The following SAMD4A variants were observed in gnomAD, a reference collection of about 807,000 sequenced individuals.
SAMD4A encodes protein Smaug homolog 1.
A neutral mutation model predicts 81.3 loss-of-function variants in SAMD4A; 33 were observed. The ratio of observed to expected loss-of-function variants is 0.41; its 90% confidence interval spans 0.31 to 0.54. SAMD4A has a LOEUF of 0.54. SAMD4A is among the 20% of genes least tolerant of loss of function. The probability of loss-of-function intolerance (pLI) is 0.37; values close to 1 mark genes in which losing one functional copy is unlikely to be tolerated. For synonymous variants in SAMD4A, 389 were observed against 382.1 expected (o/e 1.02, Z -0.21); for missense variants, 854 against 951.1 (o/e 0.90, Z 1.34).
chr14:54,619,202 A>G (rs922208392), intron 2 of SAMD4A, among the ~76,000 whole-genome samples: 2 of 152,220 alleles, frequency 1.3e-5, no homozygotes, highest in African/African-American at 4.8e-5. Context: ...CAAAATGTTA[A>G]TTCATCAAAA....
chr14:54,567,014 C>G (rs1238713684), upstream of SAMD4A: 2 of 153,084 alleles, frequency 1.3e-5, no homozygotes, highest in Non-Finnish European at 2.9e-5. Flanking sequence ...TGCAGCCGCT[C>G]GGCTGCTTCT....
At chr14:54,780,262 A>T (rs2038966677) in intron 11 of SAMD4A, among the ~76,000 whole-genome samples, 1 of 152,202 alleles carries the variant, frequency 6.6e-6, no homozygotes, top group Non-Finnish European at 1.5e-5. Context: ...AGCTGGGTCC[A>T]GTGGCACCTC....
At chr14:54,743,992 A>C (rs560879184) in intron 4 of SAMD4A, among the ~76,000 whole-genome samples, 1 of 152,308 alleles carries the variant, frequency 6.6e-6, no homozygotes, top group African/African-American at 2.4e-5. Flanking sequence ...CTTACCCCTC[A>C]GTTGGCTTTC....
intron 7 of SAMD4A, among the ~76,000 whole-genome samples, chr14:54,762,034 C>T (rs2038412339): frequency 6.6e-6 from 1 of 152,186 alleles, no homozygotes; most frequent in Non-Finnish European, 1.5e-5. Context: ...AGGGATGACA[C>T]CAGTATCTAA....
At chr14:54,648,157 T>C (rs556558859) in intron 2 of SAMD4A, among the ~76,000 whole-genome samples, 1 of 152,314 alleles carries the variant, frequency 6.6e-6, no homozygotes, top group South Asian at 2.1e-4. Context: ...TACATGGATA[T>C]AGACAGAAAC....
At chr14:54,695,970 A>G (rs1038487705) in intron 2 of SAMD4A, among the ~76,000 whole-genome samples, 37 of 137,446 alleles carry the variant, frequency 2.7e-4, no homozygotes, top group East Asian at 1.1e-3. Flanking sequence ...AAAAAAAAAA[A>G]AAAGAAAAAG....
At position 54,596,779 on chromosome 14, in the gene SAMD4A, C is replaced by T. The variant is rs1232646269; in HGVS notation, c.196+28667C>T. Reference sequence around the variant, plus strand: ...GACCCAAATGAACCCCAGGGAACCACGAGATGTAGTCTGAAGGGGCAGCCT... The same window carrying T: ...GACCCAAATGAACCCCAGGGAACCATGAGATGTAGTCTGAAGGGGCAGCCT... On this transcript the variant is annotated intron_variant, in intron 2 of 12. Transcript: ENST00000554335. Among the ~76,000 whole-genome samples, 4 of 152,030 alleles carry T rather than the reference C, an allele frequency of 2.6e-5. No homozygotes were observed. In the South Asian group the frequency reaches 6.2e-4, roughly 24 times the overall value.
intron 2 of SAMD4A, among the ~76,000 whole-genome samples, chr14:54,569,776 T>C (rs1334639365): frequency 6.6e-6 from 1 of 152,248 alleles, no homozygotes; most frequent in Non-Finnish European, 1.5e-5. Context: ...GGTTGAATGC[T>C]TGATTTCAGT....
chr14:54,788,661 C>G (rs2039201524), intron 12 of SAMD4A, among the ~76,000 whole-genome samples: 1 of 152,218 alleles, frequency 6.6e-6, no homozygotes, highest in African/African-American at 2.4e-5. Context: ...TGTGTCTACC[C>G]TCAAATATAA....
At chr14:54,786,935 C>A (rs754528016) in intron 12 of SAMD4A, among the ~76,000 whole-genome samples, 1 of 152,162 alleles carries the variant, frequency 6.6e-6, no homozygotes, top group Non-Finnish European at 1.5e-5. Context: ...TGGTGGGAAG[C>A]CTCGTAAGCA....
At chr14:54,608,958 G>A (rs1052429580) in intron 2 of SAMD4A, among the ~76,000 whole-genome samples, 2 of 152,164 alleles carry the variant, frequency 1.3e-5, no homozygotes, top group Non-Finnish European at 2.9e-5. Flanking sequence ...AGTAAAAGGC[G>A]CTTTTCACAT....
At chr14:54,691,775 G>A (rs17127773) in intron 2 of SAMD4A, among the ~76,000 whole-genome samples, 3,366 of 152,274 alleles carry the variant, frequency 0.022, 122 homozygotes, top group African/African-American at 0.077. Context: ...CAGGAGGACA[G>A]GAGAGCCAGG....
At chr14:54,773,692 G>A (rs2038763799) in intron 9 of SAMD4A, among the ~76,000 whole-genome samples, 1 of 152,200 alleles carries the variant, frequency 6.6e-6, no homozygotes, top group Non-Finnish European at 1.5e-5. Flanking sequence ...TTGCAGGGAG[G>A]GCCTGTGAAG....
chr14:54,647,086 G>C (rs1423471487), intron 2 of SAMD4A, among the ~76,000 whole-genome samples: 3 of 152,174 alleles, frequency 2.0e-5, no homozygotes, highest in African/African-American at 7.2e-5. Context: ...GCATTCATTT[G>C]ACTCTATAAG....
chr14:54,724,048 G>GAAAGGAAGGAAT (rs2037350605), intron 3 of SAMD4A, among the ~76,000 whole-genome samples: 1 of 150,958 alleles, frequency 6.6e-6, no homozygotes, highest in Admixed American at 6.6e-5. Flanking sequence ...AAGGAAGGAA[G>GAAAGGAAGGAAT]GAATAATGCA....
At chr14:54,588,095 CT>C (rs2033675005) in intron 2 of SAMD4A, among the ~76,000 whole-genome samples, 1 of 152,118 alleles carries the variant, frequency 6.6e-6, no homozygotes, top group African/African-American at 2.4e-5. Context: ...GATTCTGTGT[CT>C]TCCTGGTTTA....
rs76598825 is a variant in SAMD4A at position 54,769,343 on chromosome 14, G to A, written c.1597-761G>A. 1.8e-4 allele frequency among the ~76,000 whole-genome samples: 28 copies of A among 152,300 alleles called. No homozygotes were observed. In the East Asian group the frequency reaches 5.2e-3, roughly 28 times the overall value. On this transcript the variant is annotated intron_variant, in intron 8 of 12. Coordinates refer to ENST00000554335, the MANE Select transcript of SAMD4A (RefSeq NM_015589.6). ...TGATTCTAATATATCATGAATCTGA[G>A]AGTTCCTGCCTTGGAGACTCCTAAC...
At chr14:54,587,084 G>A (rs2033643186) in intron 2 of SAMD4A, among the ~76,000 whole-genome samples, 1 of 152,112 alleles carries the variant, frequency 6.6e-6, no homozygotes, top group South Asian at 2.1e-4. Flanking sequence ...CCATTTGTTT[G>A]CATCATCTAT....
chr14:54,752,823 T>C (rs2038142451), intron 6 of SAMD4A, among the ~76,000 whole-genome samples: 1 of 152,050 alleles, frequency 6.6e-6, no homozygotes, highest in South Asian at 2.1e-4. Flanking sequence ...AGGAATGTAG[T>C]AGGAGGGCAG....
Sources: allele counts gnomAD v4.1 joint callset (sites outside exome capture counted in the v4.1 genomes callset), GRCh38; gene constraint gnomAD v4.1.1; transcripts MANE v1.5; gene names NCBI Gene and HGNC (gene_info 2026-07-23, HGNC 2026-07-21).